The following UTS2B variants were observed in gnomAD, a reference collection of about 807,000 sequenced individuals.
UTS2B encodes the protein urotensin-2B.
In UTS2B, 21 loss-of-function variants were observed where a neutral mutation model predicts 19.2. The ratio of observed to expected loss-of-function variants is 1.09; its 90% confidence interval spans 0.78 to 1.58. The LOEUF (loss-of-function observed/expected upper bound fraction) is 1.58, where lower values mean the gene tolerates loss of function less well. Among genes scored for constraint, UTS2B ranks in the 40% most tolerant of loss-of-function variants. UTS2B has a pLI of 0.00. For synonymous variants in UTS2B, 57 were observed against 50.2 expected (o/e 1.14, Z -0.58); for missense variants, 138 against 130.3 (o/e 1.06, Z -0.29).
chr3:191,282,455 C>A, intron 4 of UTS2B, 142 bp from the exon 5 acceptor site: 1 of 328,626 alleles, frequency 3.0e-6, no homozygotes, highest in Non-Finnish European at 5.6e-6. Context: ...ACATCTCATA[C>A]CCGCCCACTT....
At chr3:191,325,117 C>G (rs1016510183) in intron 2 of UTS2B, among the ~76,000 whole-genome samples, 6 of 151,984 alleles carry the variant, frequency 3.9e-5, no homozygotes, top group African/African-American at 1.5e-4. Flanking sequence ...AGGAATGACT[C>G]TGTATGTTTA....
At chr3:191,304,234 A>G (rs1379326668) in intron 4 of UTS2B, among the ~76,000 whole-genome samples, 2 of 152,214 alleles carry the variant, frequency 1.3e-5, no homozygotes, top group Non-Finnish European at 2.9e-5. Flanking sequence ...TTGGGATTAC[A>G]GGCGTGAGGC....
At chr3:191,281,987 A>T in intron 5 of UTS2B, 100 bp downstream of exon 5, 1 of 854,960 alleles carries the variant, frequency 1.2e-6, no homozygotes. Context: ...TTTATTCCTT[A>T]AAACATTATT....
chr3:191,292,222 G>A (rs139212620), intron 4 of UTS2B, among the ~76,000 whole-genome samples: 1 of 151,742 alleles, frequency 6.6e-6, no homozygotes, highest in East Asian at 1.9e-4. Flanking sequence ...AAAATGTTAT[G>A]CCTGGATCTG....
chr3:191,329,254 A>G (rs572003667), intron 1 of UTS2B: 4 of 178,570 alleles, frequency 2.2e-5, no homozygotes, highest in Non-Finnish European at 4.6e-5. Flanking sequence ...AAAGGAGACA[A>G]CAGCGAGGCG....
chr3:191,293,703 T>G lies in UTS2B; in HGVS notation c.-125+10789A>C, dbSNP rs62288525. 6.3e-3 allele frequency among the ~76,000 whole-genome samples: 952 copies of G among 152,100 alleles called. 6 individuals are homozygous for G. The highest frequency in any genetic ancestry group is 8.8e-3 in the Non-Finnish European group (596 of 68,032). ...GGGGCTTTGATCTAGTGGATGAGCA[T>G]GGCAGCAGGAATTTTCAAACATAAA... On this transcript the variant is annotated intron_variant, in intron 4 of 8. Transcript: ENST00000340524.
intron 1 of UTS2B, chr3:191,329,779 C>T (rs1327570907): frequency 3.8e-5 from 60 of 1,569,304 alleles, no homozygotes; most frequent in Non-Finnish European, 2.2e-5. Context: ...GCCCGAGGTT[C>T]TCTCAGGTCA....
At chr3:191,276,291 G>T (rs1455022256) in intron 7 of UTS2B, among the ~76,000 whole-genome samples, 1 of 152,158 alleles carries the variant, frequency 6.6e-6, no homozygotes, top group African/African-American at 2.4e-5. Flanking sequence ...CCAGTTTGCA[G>T]AATAATGGAA....
chr3:191,342,046 CTT>C, the UTS2B span, among the ~76,000 whole-genome samples: 2 of 152,206 alleles, frequency 1.3e-5, no homozygotes, highest in Non-Finnish European at 2.9e-5. Context: ...CTCAAGGTAT[CTT>C]TTAGACAAAC....
the UTS2B span, among the ~76,000 whole-genome samples, chr3:191,338,733 T>C: frequency 6.6e-6 from 1 of 152,230 alleles, no homozygotes; most frequent in Non-Finnish European, 1.5e-5. Context: ...ACTTTTACTT[T>C]TTGTTGTATG....
At chr3:191,335,764 C>CT in the UTS2B span, among the ~76,000 whole-genome samples, 2 of 152,202 alleles carry the variant, frequency 1.3e-5, no homozygotes, top group East Asian at 3.9e-4. Context: ...TGGTTCTTTC[C>CT]TTTTTCTTTG....
At chr3:191,285,706 C>T (rs1450394045) in intron 4 of UTS2B, among the ~76,000 whole-genome samples, 1 of 152,092 alleles carries the variant, frequency 6.6e-6, no homozygotes, top group African/African-American at 2.4e-5. Flanking sequence ...TCAAGACCAT[C>T]CTGGCCAACA....
chr3:191,319,540 G>A (rs372459711), intron 2 of UTS2B, among the ~76,000 whole-genome samples: 2 of 152,092 alleles, frequency 1.3e-5, no homozygotes, highest in Admixed American at 6.5e-5. Context: ...TAAGGTATAG[G>A]TTCTTTTTTT....
At chr3:191,332,378 A>G (rs1158952930), upstream of UTS2B, among the ~76,000 whole-genome samples, 1 of 152,222 alleles carries the variant, frequency 6.6e-6, no homozygotes, top group Non-Finnish European at 1.5e-5. Context: ...GATTGAGTTC[A>G]TATGTAGGTG....
intron 4 of UTS2B, among the ~76,000 whole-genome samples, chr3:191,283,600 A>G (rs1310803004): frequency 2.0e-5 from 3 of 152,198 alleles, no homozygotes; most frequent in Non-Finnish European, 2.9e-5. Context: ...TTCTGTCCCT[A>G]TGTGCAAGTA....
At chr3:191,345,261 T>C in the UTS2B span, among the ~76,000 whole-genome samples, 1 of 152,236 alleles carries the variant, frequency 6.6e-6, no homozygotes, top group Non-Finnish European at 1.5e-5. Context: ...AAAGCACCAA[T>C]CCATACAGTT....
chr3:191,277,851 T>C (rs1226869878), intron 6 of UTS2B, among the ~76,000 whole-genome samples: 1 of 151,728 alleles, frequency 6.6e-6, no homozygotes, highest in Non-Finnish European at 1.5e-5. Context: ...ACCAATCCCA[T>C]TAGGACCCTC....
chr3:191,284,263 G>C (rs1025057521), intron 4 of UTS2B, among the ~76,000 whole-genome samples: 9 of 152,038 alleles, frequency 5.9e-5, no homozygotes, highest in Non-Finnish European at 1.2e-4. Context: ...AAGTTTTCCT[G>C]AAAGTGGCAA....
intron 2 of UTS2B, among the ~76,000 whole-genome samples, chr3:191,323,226 T>C: frequency 6.6e-6 from 1 of 152,264 alleles, no homozygotes; most frequent in African/African-American, 2.4e-5. Flanking sequence ...TTTTGCTCTG[T>C]TGCCCAGGCT....
Sources: allele counts gnomAD v4.1 joint callset (sites outside exome capture counted in the v4.1 genomes callset), GRCh38; gene constraint gnomAD v4.1.1; transcripts MANE v1.5; gene names NCBI Gene and HGNC (gene_info 2026-07-23, HGNC 2026-07-21).